Variants in FHIT observed in about 807,000 individuals in gnomAD.
FHIT encodes fragile histidine triad diadenosine triphosphatase, also known as bis(5'-adenosyl)-triphosphatase.
FHIT carries 19 observed loss-of-function variants against 17.9 expected under a neutral mutation model. That is an observed-to-expected ratio of 1.06 (90% confidence interval 0.74 to 1.56). The LOEUF is 1.56. FHIT is among the 40% of genes most tolerant of loss of function. FHIT has a pLI of 0.00. For synonymous variants in FHIT, 81 were observed against 69.7 expected, an observed-to-expected ratio of 1.16 and a Z score of -0.81; for missense variants, 248 against 189.2, an observed-to-expected ratio of 1.31 and a Z score of -1.82.
At chr3:60,622,261 G>C (rs1023406278) in intron 4 of FHIT, among the ~76,000 whole-genome samples, 3 of 152,146 alleles carry the variant, frequency 2.0e-5, no homozygotes, top group Non-Finnish European at 4.4e-5. Context: ...TGACCAACTG[G>C]AACAGGATTA....
intron 2 of FHIT, 67 bp downstream of exon 2, chr3:61,200,550 C>T (rs532122462): frequency 3.9e-5 from 6 of 152,662 alleles, no homozygotes; most frequent in African/African-American, 1.4e-4. Flanking sequence ...GTTTAAATCT[C>T]TGAATAAAAG....
At chr3:59,803,751 A>C (rs1298708836) in intron 8 of FHIT, among the ~76,000 whole-genome samples, 1 of 107,850 alleles carries the variant, frequency 9.3e-6, no homozygotes, top group Non-Finnish European at 2.3e-5. Context: ...AGCCTGAACG[A>C]AACAGCCTAA....
At chr3:60,270,270 C>T (rs530867134) in intron 5 of FHIT, among the ~76,000 whole-genome samples, 44 of 152,166 alleles carry the variant, frequency 2.9e-4, no homozygotes, top group Non-Finnish European at 5.1e-4. Flanking sequence ...GCTTGCCTCC[C>T]CCAGTGAGGC....
chr3:60,492,081 A>C (rs1430335461), intron 5 of FHIT, among the ~76,000 whole-genome samples: 2 of 152,284 alleles, frequency 1.3e-5, no homozygotes, highest in East Asian at 1.9e-4. Context: ...CTTGAAAATT[A>C]ATGTGTTGTA....
intron 4 of FHIT, among the ~76,000 whole-genome samples, chr3:60,797,336 A>G (rs1418053364): frequency 6.6e-6 from 1 of 152,192 alleles, no homozygotes; most frequent in African/African-American, 2.4e-5. Flanking sequence ...GCAAAACTGC[A>G]GACAATAGAG....
chr3:60,342,754 T>C (rs1214937779), intron 5 of FHIT, among the ~76,000 whole-genome samples: 1 of 152,200 alleles, frequency 6.6e-6, no homozygotes, highest in East Asian at 1.9e-4. Flanking sequence ...TGTCTGGAGA[T>C]ACTGAAAGTT....
chr3:61,095,332 C>T (rs2035605265), intron 2 of FHIT, among the ~76,000 whole-genome samples: 10 of 152,096 alleles, frequency 6.6e-5, no homozygotes, highest in Admixed American at 5.9e-4. Context: ...TTCCCAGGGC[C>T]CCCTCTGGGA....
intron 4 of FHIT, among the ~76,000 whole-genome samples, chr3:60,570,821 G>T (rs1330238458): frequency 6.8e-6 from 1 of 147,622 alleles, no homozygotes; most frequent in Non-Finnish European, 1.5e-5. Flanking sequence ...CTGAACCAAA[G>T]CAAATTCACA....
chr3:60,818,250 T>C (rs1330035983), intron 4 of FHIT, among the ~76,000 whole-genome samples: 1 of 152,192 alleles, frequency 6.6e-6, no homozygotes, highest in Non-Finnish European at 1.5e-5. Context: ...AGATAATTGC[T>C]TTTTGTCTTC....
intron 5 of FHIT, among the ~76,000 whole-genome samples, chr3:60,160,829 A>C (rs1700907757): frequency 2.3e-5 from 1 of 43,620 alleles, no homozygotes; most frequent in Admixed American, 2.1e-4. Context: ...TGAGTGTGAC[A>C]GAGAGAGAGA....
intron 5 of FHIT, among the ~76,000 whole-genome samples, chr3:60,428,424 T>C (rs1702756651): frequency 6.6e-6 from 1 of 152,132 alleles, no homozygotes; most frequent in Non-Finnish European, 1.5e-5. Context: ...CCTATATCCC[T>C]TTACTGAACC....
At chr3:60,070,551 C>A (rs1702721454) in intron 5 of FHIT, among the ~76,000 whole-genome samples, 2 of 151,704 alleles carry the variant, frequency 1.3e-5, no homozygotes, top group African/African-American at 4.9e-5. Flanking sequence ...TCCCTCTGTC[C>A]CCTGCTGGGT....
rs548394376 is a variant in FHIT at position 60,006,126 on chromosome 3, G to A, written c.279+5245C>T. Reference sequence around the variant, plus strand: ...TGAAGTACTCTATCGATTTGTAACCGCGACTTACTCGTGATCATCTGTGCA... The same window carrying A: ...TGAAGTACTCTATCGATTTGTAACCACGACTTACTCGTGATCATCTGTGCA... On this transcript the variant is annotated intron_variant, in intron 7 of 9. Coordinates refer to ENST00000492590, the MANE Select transcript of FHIT (RefSeq NM_002012.4). Among the ~76,000 whole-genome samples the A allele has an allele frequency of 1.7e-4, 26 of 152,216 alleles. No individual in the cohort carries two copies. The South Asian group carries it at 5.2e-3, about 30-fold the overall frequency.
At chr3:61,236,517 A>G (rs1056961709) in intron 1 of FHIT, among the ~76,000 whole-genome samples, 3 of 152,152 alleles carry the variant, frequency 2.0e-5, no homozygotes, top group Admixed American at 1.3e-4. Context: ...GGGCAGGGAA[A>G]ACAGCTCATT....
intron 5 of FHIT, among the ~76,000 whole-genome samples, chr3:60,072,514 T>G (rs1257942442): frequency 6.6e-6 from 1 of 152,216 alleles, no homozygotes; most frequent in Non-Finnish European, 1.5e-5. Flanking sequence ...GCATGCTTAC[T>G]TATGTGCTGG....
intron 5 of FHIT, among the ~76,000 whole-genome samples, chr3:60,404,171 T>A (rs764579520): frequency 6.7e-6 from 1 of 149,064 alleles, no homozygotes. Flanking sequence ...AAATCCCTAC[T>A]TTTTTTGCGT....
At chr3:60,225,228 T>A (rs1440295251) in intron 5 of FHIT, among the ~76,000 whole-genome samples, 2 of 152,192 alleles carry the variant, frequency 1.3e-5, no homozygotes, top group African/African-American at 4.8e-5. Context: ...CATCTTTGTA[T>A]CCCTAGATAC....
intron 8 of FHIT, among the ~76,000 whole-genome samples, chr3:59,834,370 TAGAC>T (rs1395263418): frequency 6.6e-6 from 1 of 152,066 alleles, no homozygotes; most frequent in African/African-American, 2.4e-5. Context: ...ATTAGCTAAA[TAGAC>T]AGACAGACAG....
At chr3:60,595,714 G>A (rs1251131727) in intron 4 of FHIT, among the ~76,000 whole-genome samples, 1 of 151,808 alleles carries the variant, frequency 6.6e-6, no homozygotes, top group Non-Finnish European at 1.5e-5. Flanking sequence ...TGCAGTTATA[G>A]CTCACTGAAG....
Sources: gnomAD v4.1 joint callset for allele counts (sites outside exome capture counted in the v4.1 genomes callset) on GRCh38, gnomAD v4.1.1 for gene constraint, MANE v1.5 for transcripts, NCBI Gene and HGNC (gene_info 2026-07-23, HGNC 2026-07-21) for gene names.